PSD3: variants seen among roughly 807,000 people sequenced by gnomAD.
The protein encoded by PSD3 is pleckstrin and Sec7 domain containing 3, also known as PH and SEC7 domain-containing protein 3.
PSD3 carries 49 observed loss-of-function variants against 105.5 expected under a neutral mutation model. The ratio of observed to expected loss-of-function variants is 0.46; its 90% CI spans 0.37 to 0.59. The LOEUF (loss-of-function observed/expected upper bound fraction) is 0.59. PSD3 is among the 20% of genes least tolerant of loss of function. The pLI is 0.00. For missense variants in PSD3, 1,561 were observed against 1,263.8 expected, an observed-to-expected ratio of 1.24 and a Z score of -3.57; for synonymous variants, 557 against 457.8, an observed-to-expected ratio of 1.22 and a Z score of -2.77.
At chr8:18,979,992 C>CT (rs1196873372) in intron 1 of PSD3, among the ~76,000 whole-genome samples, 1 of 152,170 alleles carries the variant, frequency 6.6e-6, no homozygotes, top group Non-Finnish European at 1.5e-5. Flanking sequence ...ATACACTGAT[C>CT]TATGTTTTGG....
intron 9 of PSD3, among the ~76,000 whole-genome samples, chr8:18,666,102 G>T (rs75472910): frequency 6.6e-6 from 1 of 152,148 alleles, no homozygotes; most frequent in East Asian, 1.9e-4. Context: ...AGGCTGGACT[G>T]CAGTGTGGCA....
At chr8:18,774,953 G>C (rs550180465) in intron 8 of PSD3, 4 of 455,944 alleles carry the variant, frequency 8.8e-6, no homozygotes, top group East Asian at 6.9e-5. Context: ...CAAATGCCCC[G>C]AGGGAAAGAG....
At chr8:18,544,240 G>T (rs1263353832) in intron 15 of PSD3, among the ~76,000 whole-genome samples, 1 of 139,020 alleles carries the variant, frequency 7.2e-6, no homozygotes, top group Non-Finnish European at 1.5e-5. Flanking sequence ...GCTTATTCAA[G>T]TAAGGACTGC....
chr8:18,652,638 C>G (rs1808595654), intron 10 of PSD3, among the ~76,000 whole-genome samples: 2 of 151,476 alleles, frequency 1.3e-5, no homozygotes, highest in African/African-American at 4.9e-5. Context: ...GCTGGGATTA[C>G]AAGTGCACGC....
intron 12 of PSD3, among the ~76,000 whole-genome samples, chr8:18,580,816 T>C (rs148832795): frequency 8.4e-4 from 128 of 152,318 alleles, no homozygotes; most frequent in Non-Finnish European, 1.3e-3. Context: ...ATAGAGATTC[T>C]TGAGAGCCTG....
chr8:18,957,878 G>A (rs1823675862), intron 1 of PSD3, among the ~76,000 whole-genome samples: 1 of 152,208 alleles, frequency 6.6e-6, no homozygotes, highest in Admixed American at 6.5e-5. Context: ...TGTGGGAAAT[G>A]AGTCTTGGCC....
intron 1 of PSD3, among the ~76,000 whole-genome samples, chr8:18,976,882 A>T (rs983994469): frequency 5.9e-5 from 9 of 152,196 alleles, no homozygotes; most frequent in African/African-American, 2.2e-4. Context: ...AGTTAAACCA[A>T]AGTATACAAA....
chr8:18,947,128 A>C (rs1002189415), intron 1 of PSD3, among the ~76,000 whole-genome samples: 1 of 152,138 alleles, frequency 6.6e-6, no homozygotes, highest in Non-Finnish European at 1.5e-5. Context: ...AACATCAAGT[A>C]AAAAAGTAAA....
intron 1 of PSD3, among the ~76,000 whole-genome samples, chr8:19,052,063 T>C (rs538511422): frequency 4.6e-5 from 7 of 152,310 alleles, no homozygotes; most frequent in Admixed American, 1.3e-4. Context: ...AGGCTTTCCA[T>C]GGCAAGGTCT....
intron 15 of PSD3, among the ~76,000 whole-genome samples, chr8:18,542,296 G>C (rs1800196721): frequency 6.6e-6 from 1 of 152,160 alleles, no homozygotes; most frequent in South Asian, 2.1e-4. Context: ...CTACTTGCCT[G>C]ATCATTCTCA....
chr8:18,800,977 ATAATT>A (rs1281637615), intron 7 of PSD3: 1 of 184,326 alleles, frequency 5.4e-6, no homozygotes, highest in African/African-American at 2.3e-5. Flanking sequence ...GGAAAACAAA[ATAATT>A]TAAGTAAGAG....
intron 12 of PSD3, among the ~76,000 whole-genome samples, chr8:18,583,955 C>T (rs191493585): frequency 6.6e-6 from 1 of 152,238 alleles, no homozygotes; most frequent in Admixed American, 6.5e-5. Context: ...TTATGGCCCT[C>T]TGTATCAGAA....
At chr8:18,933,432 A>G (rs1169430706) in intron 2 of PSD3, among the ~76,000 whole-genome samples, 1 of 152,004 alleles carries the variant, frequency 6.6e-6, no homozygotes, top group Non-Finnish European at 1.5e-5. Context: ...TGTCACATTC[A>G]AAGTTATGTC....
chr8:19,083,075 A>G (rs1829693832), intron 1 of PSD3, among the ~76,000 whole-genome samples: 1 of 151,988 alleles, frequency 6.6e-6, no homozygotes, highest in Non-Finnish European at 1.5e-5. Context: ...AGATGCTGTG[A>G]ATTTCATTCA....
chr8:18,730,479 T>G (rs1198558911), intron 9 of PSD3: 4 of 152,192 alleles, frequency 2.6e-5, no homozygotes, highest in Non-Finnish European at 5.9e-5. Context: ...TGCCTTATAG[T>G]TGAACTAGCA....
intron 8 of PSD3, among the ~76,000 whole-genome samples, chr8:18,784,705 A>T (rs1808963451): frequency 6.6e-6 from 1 of 152,192 alleles, no homozygotes; most frequent in African/African-American, 2.4e-5. Flanking sequence ...ATAAACAGTG[A>T]GATAAAGAGA....
intron 9 of PSD3, among the ~76,000 whole-genome samples, chr8:18,755,429 CAACAT>C (rs372407715): frequency 0.021 from 2,838 of 136,822 alleles, 43 homozygotes; most frequent in African/African-American, 0.033. Flanking sequence ...GACCCTGTCT[CAACAT>C]AACATAACAT....
At chr8:18,638,531 G>GC (rs1000904133) in intron 10 of PSD3, among the ~76,000 whole-genome samples, 2 of 140,784 alleles carry the variant, frequency 1.4e-5, no homozygotes, top group African/African-American at 5.5e-5. Context: ...ACTTCCAAAA[G>GC]CATTAAAAAC....
intron 3 of PSD3, among the ~76,000 whole-genome samples, chr8:18,870,551 G>A (rs966777755): frequency 6.6e-6 from 1 of 152,080 alleles, no homozygotes; most frequent in African/African-American, 2.4e-5. Context: ...GCTAAGGGAG[G>A]GATGGCATTA....
Sources: allele counts gnomAD v4.1 joint callset (sites outside exome capture counted in the v4.1 genomes callset), GRCh38; gene constraint gnomAD v4.1.1; transcripts MANE v1.5; gene names NCBI Gene and HGNC (gene_info 2026-07-23, HGNC 2026-07-21).